The following ABCD3 variants were observed in gnomAD, a reference collection of about 807,000 sequenced individuals.
ABCD3 encodes ATP binding cassette subfamily D member 3, also known as ATP-binding cassette sub-family D member 3.
Under a neutral mutation model 105.5 loss-of-function variants are expected in ABCD3, and 41 were observed. The ratio of observed to expected loss-of-function variants is 0.39; its 90% CI spans 0.30 to 0.50. The LOEUF is 0.50. ABCD3 is among the 20% of genes least tolerant of loss of function. The probability of loss-of-function intolerance (pLI) is 0.84; values close to 1 mark genes in which losing one functional copy is unlikely to be tolerated. For synonymous variants in ABCD3, 258 were observed against 269.0 expected (o/e 0.96, Z 0.40); for missense variants, 622 against 806.3 (o/e 0.77, Z 2.77).
At chr1:94,421,561 G>GAT (rs775361300) in intron 1 of ABCD3, among the ~76,000 whole-genome samples, 1 of 76,408 alleles carries the variant, frequency 1.3e-5, no homozygotes, top group Admixed American at 1.9e-4. Flanking sequence ...GGAGCTATAA[G>GAT]ATGTGTGTGT....
At chr1:94,465,336 A>G (rs1284911411) in intron 3 of ABCD3, among the ~76,000 whole-genome samples, 1 of 152,194 alleles carries the variant, frequency 6.6e-6, no homozygotes, top group Non-Finnish European at 1.5e-5. Flanking sequence ...AGAACAGTAA[A>G]ATCATAACAC....
At chr1:94,509,643 T>C (rs1650561830) in intron 21 of ABCD3, among the ~76,000 whole-genome samples, 1 of 152,206 alleles carries the variant, frequency 6.6e-6, no homozygotes, top group Non-Finnish European at 1.5e-5. Context: ...TGGTAAGCTA[T>C]TGATTATTGC....
In ABCD3 at chr1:94,491,207, C is replaced by T. The variant is rs535940044; in HGVS notation, c.1346C>T (p.Thr449Met). The T allele has an allele frequency of 3.8e-5, 62 of 1,612,070 alleles. No homozygotes were observed. Among genetic ancestry groups the T allele is most frequent in the Admixed American group, 1.2e-4 (7 of 59,914 alleles). The stretch of plus-strand genomic sequence containing the variant: ...AGGTTTGATCATGTTCCTTTAGCAA[C>T]GCCAAATGGAGATGTTTTGATCCGA... ...IIKFDHVPLATPNGDVLIRDL... is the reference protein window; with the variant it reads ...IIKFDHVPLAMPNGDVLIRDL... The change falls in exon 16 of 23, where the codon ACG (threonine) becomes ATG (methionine). Residue 449 changes from threonine to methionine, a missense_variant. Thr to Met is a moderately conservative substitution (Grantham distance 81). Coordinates refer to ENST00000370214, the MANE Select transcript of ABCD3 (RefSeq NM_002858.4).
chr1:94,417,704 C>G (rs904947525), upstream of ABCD3, among the ~76,000 whole-genome samples: 1 of 152,268 alleles, frequency 6.6e-6, no homozygotes, highest in Non-Finnish European at 1.5e-5. Flanking sequence ...ATCGAAATTT[C>G]TCTAAACAAC....
At chr1:94,470,570 A>AT (rs369530108) in intron 4 of ABCD3, among the ~76,000 whole-genome samples, 206 of 146,424 alleles carry the variant, frequency 1.4e-3, no homozygotes, top group African/African-American at 4.3e-3. Context: ...ATTGGTATGA[A>AT]TTTTTTTTTT....
intron 1 of ABCD3, chr1:94,419,297 T>C (rs1659159847): frequency 1.0e-6 from 1 of 985,212 alleles, no homozygotes; most frequent in African/African-American, 1.7e-5. Flanking sequence ...CTGGGCTCTG[T>C]AGGTGAAAGA....
chr1:94,441,886 G>A (rs2100915743), intron 1 of ABCD3, among the ~76,000 whole-genome samples: 1 of 152,240 alleles, frequency 6.6e-6, no homozygotes, highest in East Asian at 1.9e-4. Context: ...GGAGGGGGTG[G>A]TTGAACAAGG....
At chr1:94,475,390 A>T in intron 6 of ABCD3, 150 bp downstream of exon 6, 1 of 742,880 alleles carries the variant, frequency 1.3e-6, no homozygotes, top group Admixed American at 2.9e-5. Flanking sequence ...CCTTTCAGTT[A>T]TTTGGAATCT....
intron 1 of ABCD3, 160 bp downstream of exon 1, chr1:94,418,748 G>T: frequency 1.4e-6 from 1 of 702,620 alleles, no homozygotes; most frequent in Non-Finnish European, 2.4e-6. Context: ...GGGTGTCCGC[G>T]AGTCCCCGCC....
chr1:94,476,635 T>C (rs759549065), intron 7 of ABCD3, among the ~76,000 whole-genome samples: 1 of 152,168 alleles, frequency 6.6e-6, no homozygotes, highest in Non-Finnish European at 1.5e-5. Context: ...ATTGTAAGAA[T>C]AGGAATGTTC....
intron 2 of ABCD3, among the ~76,000 whole-genome samples, chr1:94,461,047 T>C (rs933458872): frequency 6.6e-6 from 1 of 152,138 alleles, no homozygotes; most frequent in Non-Finnish European, 1.5e-5. Context: ...AAATTTAGGT[T>C]ATATTAAGTG....
chr1:94,464,700 G>A (rs1648048984), intron 2 of ABCD3, 75 bp from the exon 3 acceptor site: 1 of 1,303,384 alleles, frequency 7.7e-7, no homozygotes, highest in Admixed American at 1.7e-5. Flanking sequence ...TGTTGACTTA[G>A]ATGAAACATG....
chr1:94,445,288 T>C (rs1660304944), intron 1 of ABCD3, among the ~76,000 whole-genome samples: 2 of 152,118 alleles, frequency 1.3e-5, no homozygotes, highest in African/African-American at 4.8e-5. Context: ...ACGACCAAGG[T>C]GGTCTTGGCA....
rs775452501 is a variant in ABCD3 at position 94,499,614 on chromosome 1, G to C, written c.1740G>C (p.Ala580=). 1 of 1,613,326 alleles carries C rather than the reference G, an allele frequency of 6.2e-7. No homozygotes were observed. The highest frequency in any genetic ancestry group is 8.5e-7 in the Non-Finnish European group (1 of 1,179,542). ...GTGGTGGAGAAAAGCAAAGAATGGCGGTAAGTATACTGTGAAGAAGTTGCA... is the reference window on the plus strand; with the variant it reads ...GTGGTGGAGAAAAGCAAAGAATGGCCGTAAGTATACTGTGAAGAAGTTGCA... The part of the protein sequence containing the change: ...VLSGGEKQRM[A]MARLFYHKPQ... Residue 580 remains alanine, a splice_region_variant and synonymous_variant, in exon 20 of 23, where the codon GCG becomes GCC. Transcript: ENST00000370214.
chr1:94,424,771 G>A (rs955099356), intron 1 of ABCD3, among the ~76,000 whole-genome samples: 1 of 152,018 alleles, frequency 6.6e-6, no homozygotes, highest in Non-Finnish European at 1.5e-5. Context: ...TTTCTCCTTA[G>A]CACTTATCAC....
At chr1:94,441,573 A>G (rs537484950) in intron 1 of ABCD3, among the ~76,000 whole-genome samples, 2 of 152,296 alleles carry the variant, frequency 1.3e-5, no homozygotes, top group Non-Finnish European at 2.9e-5. Flanking sequence ...ATTACAAACT[A>G]TTGGAGACAA....
chr1:94,487,850 C>T (rs768950791), intron 12 of ABCD3, 42 bp from the exon 13 acceptor site: 17 of 1,605,542 alleles, frequency 1.1e-5, no homozygotes, highest in Non-Finnish European at 1.4e-5. Context: ...AATTTTTAGT[C>T]ATAGAACTAT....
At chr1:94,403,584 C>T in the ABCD3 span, among the ~76,000 whole-genome samples, 1 of 152,144 alleles carries the variant, frequency 6.6e-6, no homozygotes, top group African/African-American at 2.4e-5. Flanking sequence ...AATCAAGAGA[C>T]CTCTTTTCTC....
At chr1:94,401,128 A>G in the ABCD3 span, among the ~76,000 whole-genome samples, 1 of 152,224 alleles carries the variant, frequency 6.6e-6, no homozygotes, top group Non-Finnish European at 1.5e-5. Context: ...GAAATAAATT[A>G]TGTTTCTTAT....
Sources: allele counts gnomAD v4.1 joint callset (sites outside exome capture counted in the v4.1 genomes callset), GRCh38; gene constraint gnomAD v4.1.1; transcripts MANE v1.5; gene names NCBI Gene and HGNC (gene_info 2026-07-23, HGNC 2026-07-21).